TRMT44: variants seen among roughly 807,000 people sequenced by gnomAD.
The protein encoded by TRMT44 is tRNA methyltransferase 44 homolog.
Under a neutral mutation model 77.3 loss-of-function variants are expected in TRMT44, and 78 were observed. The observed-to-expected ratio is 1.01, with a 90% CI of 0.84 to 1.22. The LOEUF (loss-of-function observed/expected upper bound fraction) is 1.22, where lower values mean the gene tolerates loss of function less well. TRMT44 is among the 50% of genes most tolerant of loss of function. TRMT44 has a pLI of 0.00. For missense variants in TRMT44, 1,090 were observed against 964.4 expected (o/e 1.13, Z -1.73); for synonymous variants, 391 against 383.3 (o/e 1.02, Z -0.23).
the TRMT44 span, among the ~76,000 whole-genome samples, chr4:8,502,136 G>A: frequency 6.6e-6 from 1 of 152,204 alleles, no homozygotes. Context: ...CCCATAAAAC[G>A]GGGGCTCCTG....
chr4:8,509,292 T>TGTA, the TRMT44 span: 9 of 152,504 alleles, frequency 5.9e-5, no homozygotes, highest in African/African-American at 2.2e-4. Context: ...CGGCCTCATG[T>TGTA]GTAAGATGCC....
rs1181410904 is a variant in TRMT44 at position 8,461,204 on chromosome 4, C to T, written c.1204-2781C>T. On this transcript the variant is annotated intron_variant, in intron 6 of 10. Transcript: ENST00000389737. The surrounding 1 kb of genome is among the most constrained non-coding windows in gnomAD (Gnocchi z 4.6). ...CTTTGCTTTGTTTTACAGTGATTGG[C>T]AGTTGCTTGTCCACTCATACATTAC... Among the ~76,000 whole-genome samples, 1 of 152,106 alleles carries T rather than the reference C, an allele frequency of 6.6e-6. No individual in the cohort carries two copies. Among genetic ancestry groups the T allele is most frequent in the Non-Finnish European group, 1.5e-5 (1 of 68,030 alleles).
the TRMT44 span, among the ~76,000 whole-genome samples, chr4:8,499,490 T>A: frequency 2.7e-5 from 4 of 150,538 alleles, no homozygotes; most frequent in African/African-American, 7.3e-5. Context: ...TTTGGTTTCG[T>A]CTCTATTCTC....
At chr4:8,478,970 C>G (rs1727523064), downstream of TRMT44, 1 of 152,204 alleles carries the variant, frequency 6.6e-6, no homozygotes, top group Non-Finnish European at 1.5e-5. Context: ...GATTCAGACA[C>G]CAGGTCACGT....
At chr4:8,511,644 G>C in the TRMT44 span, among the ~76,000 whole-genome samples, 1 of 151,718 alleles carries the variant, frequency 6.6e-6, no homozygotes, top group Non-Finnish European at 1.5e-5. Context: ...TTGGAATTCG[G>C]CTCAATCAAG....
chr4:8,468,203 C>G lies in TRMT44; in HGVS notation c.1784C>G (p.Ala595Gly), dbSNP rs376046428. The G allele has an allele frequency of 2.7e-5, 43 of 1,614,236 alleles. No individual in the cohort carries two copies. The highest frequency in any genetic ancestry group is 3.4e-5 in the Non-Finnish European group (40 of 1,180,048). The change falls in exon 9 of 11, where the codon GCT becomes GGT. Residue 595 changes from alanine (A) to glycine (G), a missense_variant. Ala to Gly is a moderately conservative substitution (Grantham distance 60). Transcript: ENST00000389737. ...CCTGGATTTCATCCCAGAGAAAAGG[C>G]TGAGCGTGTGAGGAACTGTGCCGCC... ...WLPGFHPREKAERVRNCAALP... is the reference protein window; with the variant it reads ...WLPGFHPREKGERVRNCAALP...
At chr4:8,487,703 G>A (rs1055141673) in intron 2 of TRMT44, among the ~76,000 whole-genome samples, 3 of 152,030 alleles carry the variant, frequency 2.0e-5, no homozygotes, top group Non-Finnish European at 4.4e-5. Context: ...AAGGAGAAGG[G>A]GTTGAGGGGT....
Position 8,444,464 on chromosome 4 carries a change from T to C in TRMT44, c.620-2012T>C, listed in dbSNP as rs12108299. On this transcript the variant is annotated intron_variant, in intron 1 of 10. Coordinates refer to ENST00000389737, the MANE Select transcript of TRMT44 (RefSeq NM_152544.3). This position sits in a 1 kb window ranked among gnomAD's most constrained non-coding sequence, Gnocchi z 4.0. ...CCAGGCTAGAGTGCAGTGGTGTGAT[T>C]TCAGCTCACTGCAACCTCCGCCTCC... 0.013 allele frequency among the ~76,000 whole-genome samples: 1,950 copies of C among 152,022 alleles called. 12 individuals are homozygous for C. The highest frequency in any genetic ancestry group is 0.033 in the South Asian group (160 of 4,822).
Position 8,471,082 on chromosome 4 carries a change from A to G in TRMT44, c.1928-2A>G, listed in dbSNP as rs1422795151. ...GGAAAAAAAAAACCCGTTTTTCCAC[A>G]GAGAGCCTATCTCTGGCAGAAGTAG... is the stretch of plus-strand genomic sequence containing the variant. On this transcript the variant is annotated splice_acceptor_variant, in intron 9 of 10. Coordinates refer to ENST00000389737, the MANE Select transcript of TRMT44 (RefSeq NM_152544.3). LOFTEE classifies it high-confidence loss of function. 3.2e-6 allele frequency: 5 copies of G among 1,576,740 alleles called. No homozygotes were observed. The highest frequency in any genetic ancestry group is 2.8e-5 in the African/African-American group (2 of 72,318).
chr4:8,465,528 C>T lies in TRMT44; in HGVS notation c.1461C>T (p.Asp487=), dbSNP rs368225476. The change falls in exon 8 of 11, where the codon GAC becomes GAT. Residue 487 remains aspartate, a synonymous_variant. Transcript: ENST00000389737. ...GCTTCACCTGTGGGTTTCACGTGGA[C>T]GAAGACTGCCTCAGGATTCCTTCAA... ...EVGFTCGFHV[D]EDCLRIPSTK... The T allele has an allele frequency of 6.6e-5, 106 of 1,613,474 alleles. No homozygotes were observed. The highest frequency in any genetic ancestry group is 8.0e-5 in the Non-Finnish European group (94 of 1,179,816).
chr4:8,473,677 G>C (rs940132), intron 10 of TRMT44: 5,207 of 152,640 alleles, frequency 0.034, 90 homozygotes, highest in Middle Eastern at 0.041. Context: ...GAACTTGGGT[G>C]GAGCAGACTG....
chr4:8,481,066 C>T (rs1193108308), downstream of TRMT44, among the ~76,000 whole-genome samples: 1 of 152,202 alleles, frequency 6.6e-6, no homozygotes, highest in Non-Finnish European at 1.5e-5. Context: ...GAATAGGAAA[C>T]AGTTGTCATC....
rs752752419 is a variant in TRMT44, at chr4:8,468,174, G to T, written c.1755G>T (p.Trp585Cys). 20 of 1,614,036 alleles carry T rather than the reference G, an allele frequency of 1.2e-5. No individual in the cohort carries two copies. The highest frequency in any genetic ancestry group is 1.7e-5 in the Non-Finnish European group (20 of 1,180,054). ...CAGGGCCCCAGGCTGAAGGACCCTG[G>T]CTACCTGGATTTCATCCCAGAGAAA... ...HGAGPQAEGP[W>C]LPGFHPREKA... The change falls in exon 9 of 11, where the codon TGG becomes TGT. Residue 585 changes from tryptophan (W) to cysteine (C), a missense_variant. Physicochemically the swap from Trp to Cys is radical, Grantham distance 215. Coordinates refer to ENST00000389737, the MANE Select transcript of TRMT44 (RefSeq NM_152544.3).
chr4:8,483,216 A>G (rs999902138), intron 2 of TRMT44, among the ~76,000 whole-genome samples: 6 of 152,240 alleles, frequency 3.9e-5, no homozygotes, highest in African/African-American at 1.2e-4. Context: ...GATTCAGCAT[A>G]GTCCTGCCAG....
At chr4:8,516,320 C>T in the TRMT44 span, among the ~76,000 whole-genome samples, 10 of 152,174 alleles carry the variant, frequency 6.6e-5, no homozygotes, top group Admixed American at 4.6e-4. Flanking sequence ...TCAGGCTCTG[C>T]GTGCCAAGGA....
intron 5 of TRMT44, among the ~76,000 whole-genome samples, chr4:8,453,253 A>G (rs900222374): frequency 6.6e-6 from 1 of 152,200 alleles, no homozygotes. Context: ...TTTGGGTAGC[A>G]TGGATGTTTT....
chr4:8,466,023 G>GC (rs1366195047), intron 8 of TRMT44, among the ~76,000 whole-genome samples: 1 of 152,200 alleles, frequency 6.6e-6, no homozygotes, highest in Non-Finnish European at 1.5e-5. Flanking sequence ...GCAGAAGTTG[G>GC]CCCGGGGGCT....
chr4:8,508,850 G>C, the TRMT44 span: 1 of 153,422 alleles, frequency 6.5e-6, no homozygotes, highest in South Asian at 2.1e-4. Context: ...TGTCTCTTCT[G>C]TGTCCTTGGC....
chr4:8,467,646 A>G (rs1456745022), intron 8 of TRMT44, among the ~76,000 whole-genome samples: 1 of 152,128 alleles, frequency 6.6e-6, no homozygotes, highest in Non-Finnish European at 1.5e-5. Flanking sequence ...ACGCCCGGCT[A>G]ATTTTTGTAT....
Sources: allele counts gnomAD v4.1 joint callset (sites outside exome capture counted in the v4.1 genomes callset), GRCh38; gene constraint gnomAD v4.1.1; non-coding constraint Gnocchi (gnomAD v3.1); transcripts MANE v1.5; gene names NCBI Gene and HGNC (gene_info 2026-07-23, HGNC 2026-07-21).